The following NPAT variants were observed in gnomAD, a reference collection of about 807,000 sequenced individuals.
NPAT encodes the protein protein NPAT.
A neutral mutation model predicts 130.7 loss-of-function variants in NPAT; 52 were observed. The observed-to-expected ratio is 0.40, with a 90% confidence interval of 0.32 to 0.50. The LOEUF (loss-of-function observed/expected upper bound fraction) is 0.50, where lower values mean the gene tolerates loss of function less well. NPAT is among the 20% of genes least tolerant of loss of function. The pLI is 0.68. For missense variants in NPAT, 1,687 were observed against 1,662.6 expected (o/e 1.01, Z -0.26); for synonymous variants, 580 against 584.8 (o/e 0.99, Z 0.12).
chr11:108,185,138 A>G (rs1266300248), intron 10 of NPAT, 94 bp downstream of exon 10: 2 of 816,476 alleles, frequency 2.4e-6, no homozygotes, highest in African/African-American at 3.4e-5. Flanking sequence ...ATAACATCTT[A>G]TGTTGGCAAT....
At position 108,172,694 on chromosome 11, in the gene NPAT, T is replaced by C. The variant is rs1273640914; in HGVS notation, c.2290A>G (p.Asn764Asp). ...TELTSAVSSI[N>D]GENLPTIILS... Reference sequence around the variant, plus strand: ...ATTATAGTTGGCAGGTTTTCTCCATTAATACTAGAAACAGCACTGGTAAGT... The same window carrying C: ...ATTATAGTTGGCAGGTTTTCTCCATCAATACTAGAAACAGCACTGGTAAGT... The change falls in exon 13 of 18, where the codon AAT becomes GAT. Residue 764 changes from asparagine to aspartate, a missense_variant. Transcript: ENST00000278612. 9 of 1,613,698 alleles carry C rather than the reference T, an allele frequency of 5.6e-6. No individual in the cohort carries two copies. The highest frequency in any genetic ancestry group is 7.6e-6 in the Non-Finnish European group (9 of 1,179,998).
At position 108,157,676 on chromosome 11, in the gene NPAT, A is replaced by G. The variant is rs1591379939; in HGVS notation, c.*1266T>C. On this transcript the variant is annotated 3_prime_UTR_variant, in exon 18 of 18. Transcript: ENST00000278612. Reference sequence around the variant, plus strand: ...TCTTCAACAAAATATACACCTGTAGAAAAAAATCCCTAATATACTGATATT... The same window carrying G: ...TCTTCAACAAAATATACACCTGTAGGAAAAAATCCCTAATATACTGATATT... The G allele has an allele frequency of 6.6e-6, 1 of 152,318 alleles. No individual in the cohort carries two copies. The highest frequency in any genetic ancestry group is 1.5e-5 in the Non-Finnish European group (1 of 67,974). 9.4% of individuals were successfully genotyped at this position (152,318 alleles called of 1,614,324 possible). A position where few individuals can be genotyped will look rare whatever the true frequency, so the allele number is the denominator to read the frequency against.
chr11:108,172,805 T>C lies in NPAT; in HGVS notation c.2179A>G (p.Asn727Asp), dbSNP rs2077965999. ...SQNTDDKPSS[N>D]NSAEIDASNI... The stretch of plus-strand genomic sequence containing the variant: ...GATGCATCTATCTCTGCTGAGTTGT[T>C]GCTAGAAGGTTTATCATCAGTATTT... Residue 727 changes from asparagine to aspartate, a missense_variant, in exon 13 of 18, where the codon AAC (asparagine) becomes GAC (aspartate). This residue lies in a region of NPAT where 1,379 missense variants were observed against 1,346.6 expected (regional missense o/e 1.02). Coordinates refer to ENST00000278612, the MANE Select transcript of NPAT (RefSeq NM_002519.3). 1.2e-6 allele frequency: 2 copies of C among 1,613,788 alleles called. No homozygotes were observed. The highest frequency in any genetic ancestry group is 1.7e-6 in the Non-Finnish European group (2 of 1,179,982).
At chr11:108,163,926 A>G (rs1262672078) in intron 15 of NPAT, among the ~76,000 whole-genome samples, 1 of 152,250 alleles carries the variant, frequency 6.6e-6, no homozygotes, top group Non-Finnish European at 1.5e-5. Context: ...CAGGTGGGAC[A>G]AACCTATGTT....
intron 15 of NPAT, among the ~76,000 whole-genome samples, chr11:108,168,623 A>G (rs1271014947): frequency 6.6e-6 from 1 of 152,224 alleles, no homozygotes; most frequent in East Asian, 1.9e-4. Context: ...ATCACTAAGA[A>G]TTAAAGAAAA....
intron 1 of NPAT, among the ~76,000 whole-genome samples, chr11:108,214,637 T>TC (rs1459637346): frequency 2.2e-4 from 33 of 150,940 alleles, no homozygotes; most frequent in Admixed American, 2.2e-3. Flanking sequence ...TCCAATTTTT[T>TC]TTTTTTTTTT....
In NPAT at chr11:108,219,752, A is replaced by G. The variant is rs868139795; in HGVS notation, c.37+2748T>C. On this transcript the variant is annotated intron_variant, in intron 1 of 17. Coordinates refer to ENST00000278612, the MANE Select transcript of NPAT (RefSeq NM_002519.3). ...AAAACAAACAACAACAACAACAACA[A>G]CAACAACAAACTCATTGTTTTGGGC... is the stretch of plus-strand genomic sequence containing the variant. 2.0e-4 allele frequency among the ~76,000 whole-genome samples: 30 copies of G among 152,292 alleles called. No homozygotes were observed. In the Middle Eastern group the frequency reaches 0.017, roughly 86 times the overall value.
At chr11:108,176,919 G>T in intron 11 of NPAT, 75 bp downstream of exon 11, 1 of 907,898 alleles carries the variant, frequency 1.1e-6, no homozygotes, top group Non-Finnish European at 1.8e-6. Context: ...GGGGAATGTT[G>T]ATTCACTCTG....
chr11:108,173,484 T>C lies in NPAT; in HGVS notation c.1500A>G (p.Leu500=), dbSNP rs756687736. Residue 500 remains leucine, a synonymous_variant, in exon 13 of 18, where the codon TTA becomes TTG. Coordinates refer to ENST00000278612, the MANE Select transcript of NPAT (RefSeq NM_002519.3). ...LSSNVPSESQ[L]QPDQPDIPIT... ...TTGGTATATCAGGCTGATCAGGCTG[T>C]AACTGAGATTCACTCGGTACATTTG... 3.7e-6 allele frequency: 6 copies of C among 1,614,180 alleles called. No homozygotes were observed. The South Asian group carries it at 6.6e-5, about 18-fold the overall frequency.
In NPAT at chr11:108,189,136, T is replaced by G; in HGVS notation, c.526A>C (p.Asn176His). Reference sequence around the variant, plus strand: ...ACAGTATCTTGTGACTGTGAGTGGTTGACCACTACAAAATATGACCTCGAT... The same window carrying G: ...ACAGTATCTTGTGACTGTGAGTGGTGGACCACTACAAAATATGACCTCGAT... ...DPSRSYFVVV[N>H]HSQSQDTVTT... is the part of the protein sequence containing the mutation. Residue 176 changes from asparagine (N) to histidine (H), a missense_variant, in exon 6 of 18, where the codon AAC becomes CAC. By Grantham distance (68) the Asn-to-His change is moderately conservative. Coordinates refer to ENST00000278612, the MANE Select transcript of NPAT (RefSeq NM_002519.3). 6.2e-7 allele frequency: 1 copy of G among 1,614,142 alleles called. No individual in the cohort carries two copies. Among genetic ancestry groups the G allele is most frequent in the South Asian group, 1.1e-5 (1 of 91,084 alleles).
chr11:108,165,489 G>T (rs1316341569), intron 15 of NPAT, among the ~76,000 whole-genome samples: 7 of 140,276 alleles, frequency 5.0e-5, no homozygotes, highest in African/African-American at 1.6e-4. Context: ...TTTTGTGATA[G>T]GGTCTTGCTC....
intron 10 of NPAT, 21 bp from the exon 11 acceptor site, chr11:108,177,111 G>A (rs777608147): frequency 4.0e-5 from 53 of 1,330,648 alleles, no homozygotes; most frequent in Non-Finnish European, 5.1e-5. Flanking sequence ...GGAGTGGCGT[G>A]AAGGCATGAT....
Position 108,213,519 on chromosome 11 carries a change from C to T in NPAT, c.37+8981G>A, listed in dbSNP as rs112807127. 7.8e-3 allele frequency among the ~76,000 whole-genome samples: 1,192 copies of T among 152,260 alleles called. 8 individuals are homozygous for T. Among genetic ancestry groups the T allele is most frequent in the African/African-American group, 0.024 (1,002 of 41,532 alleles). Reference sequence around the variant, plus strand: ...GGAGGAAATTAAAGACCTAAATCCACGCAAAGACATACTGTGTTCATGGAC... The same window carrying T: ...GGAGGAAATTAAAGACCTAAATCCATGCAAAGACATACTGTGTTCATGGAC... On this transcript the variant is annotated intron_variant, in intron 1 of 17. Coordinates refer to ENST00000278612, the MANE Select transcript of NPAT (RefSeq NM_002519.3).
intron 1 of NPAT, among the ~76,000 whole-genome samples, chr11:108,222,242 C>T (rs2078522461): frequency 6.6e-6 from 1 of 152,174 alleles, no homozygotes; most frequent in Admixed American, 6.5e-5. Flanking sequence ...CCTTCCGAAT[C>T]CGCCCCAGGT....
At chr11:108,204,380 T>TG (rs36084739) in intron 1 of NPAT, among the ~76,000 whole-genome samples, 95,418 of 151,938 alleles carry the variant, frequency 0.63, 30,319 homozygotes, top group Middle Eastern at 0.76. Flanking sequence ...CAGCAACACG[T>TG]GGGGTTACCT....
chr11:108,212,702 T>A (rs533008889), intron 1 of NPAT, among the ~76,000 whole-genome samples: 161 of 151,932 alleles, frequency 1.1e-3, no homozygotes, highest in African/African-American at 3.8e-3. Flanking sequence ...CCCAGCACTC[T>A]GGGAGGCCAA....
rs759588823 is a variant in NPAT, at chr11:108,173,651, CAAAGG to C, written c.1328_1332del (p.Thr443ArgfsTer5). 1 of 1,614,146 alleles carries C rather than the reference CAAAGG, an allele frequency of 6.2e-7. No homozygotes were observed. The highest frequency in any genetic ancestry group is 1.1e-5 in the South Asian group (1 of 91,072). On this transcript the variant is annotated frameshift_variant, in exon 13 of 18. Coordinates refer to ENST00000278612, the MANE Select transcript of NPAT (RefSeq NM_002519.3). LOFTEE classifies it high-confidence loss of function. The stretch of plus-strand genomic sequence containing the variant: ...AAGTCATTCAAATTAGGCACGGACT[CAAAGG>C]TAATGTCAATGTCACACTTCTGTTC...
At chr11:108,165,912 C>T (rs1201557520) in intron 15 of NPAT, among the ~76,000 whole-genome samples, 4 of 107,850 alleles carry the variant, frequency 3.7e-5, no homozygotes, top group African/African-American at 7.3e-5. Context: ...GGATTACAGG[C>T]GTGAGCCACC....
chr11:108,158,117 G>C lies in NPAT; in HGVS notation c.*825C>G, dbSNP rs1017784956. On this transcript the variant is annotated 3_prime_UTR_variant, in exon 18 of 18. Transcript: ENST00000278612. Reference sequence around the variant, plus strand: ...GTCACTACAATGTAAAGAGTTCTATGAATTAGTGCAATTCTTTAAATCCCC... The same window carrying C: ...GTCACTACAATGTAAAGAGTTCTATCAATTAGTGCAATTCTTTAAATCCCC... 1 of 152,402 alleles carries C rather than the reference G, an allele frequency of 6.6e-6. No individual in the cohort carries two copies. Among genetic ancestry groups the C allele is most frequent in the Non-Finnish European group, 1.5e-5 (1 of 67,918 alleles). The allele number at this position is 152,402 out of a possible 1,614,324, so 9.4% of individuals were successfully genotyped here.
Sources: allele counts gnomAD v4.1 joint callset (sites outside exome capture counted in the v4.1 genomes callset), GRCh38; gene constraint gnomAD v4.1.1; regional missense constraint gnomAD v4.1.1; transcripts MANE v1.5; gene names NCBI Gene and HGNC (gene_info 2026-07-23, HGNC 2026-07-21).